AGAP1: variants seen among roughly 807,000 people sequenced by gnomAD.
The protein encoded by AGAP1 is ArfGAP with GTPase domain, ankyrin repeat and PH domain 1, also known as arf-GAP with GTPase, ANK repeat and PH domain-containing protein 1.
Under a neutral mutation model 105.3 loss-of-function variants are expected in AGAP1, and 29 were observed. The ratio of observed to expected loss-of-function variants is 0.28; its 90% CI spans 0.21 to 0.38. The LOEUF (loss-of-function observed/expected upper bound fraction) is 0.38, where lower values mean the gene tolerates loss of function less well. Ranked by LOEUF, AGAP1 falls within the 10% of genes least tolerant of loss-of-function variation. The pLI, the probability that AGAP1 is intolerant of heterozygous loss-of-function variation, is 1.00. For missense variants in AGAP1, 998 were observed against 1,165.1 expected, an observed-to-expected ratio of 0.86 and a Z score of 2.09; for synonymous variants, 509 against 485.9, an observed-to-expected ratio of 1.05 and a Z score of -0.63.
At chr2:235,920,543 G>C (rs1333584649) in intron 11 of AGAP1, among the ~76,000 whole-genome samples, 1 of 152,162 alleles carries the variant, frequency 6.6e-6, no homozygotes, top group Non-Finnish European at 1.5e-5. Context: ...GCTGGAAGAT[G>C]GGGGGTGCCG....
At position 235,642,073 on chromosome 2, in the gene AGAP1, A is replaced by G. The variant is rs1947215540; in HGVS notation, c.164-67106A>G. 6.6e-6 allele frequency among the ~76,000 whole-genome samples: 1 copy of G among 152,218 alleles called. No individual in the cohort carries two copies. The highest frequency in any genetic ancestry group is 6.5e-5 in the Admixed American group (1 of 15,288). On this transcript the variant is annotated intron_variant, in intron 1 of 17. Transcript: ENST00000304032. This position sits in a 1 kb window ranked among gnomAD's most constrained non-coding sequence, Gnocchi z 4.1. Reference sequence around the variant, plus strand: ...GCATAAAGCCTCGTAGTAGATTCTCAGGTCCCAGGGGTGCACATGCCTGTG... The same window carrying G: ...GCATAAAGCCTCGTAGTAGATTCTCGGGTCCCAGGGGTGCACATGCCTGTG...
rs544262340 is a variant in AGAP1, at chr2:235,933,735, G to T, written c.1483+2812G>T. Among the ~76,000 whole-genome samples, 8 of 152,006 alleles carry T rather than the reference G, an allele frequency of 5.3e-5. No homozygotes were observed. In the East Asian group the frequency reaches 1.2e-3, roughly 22 times the overall value. ...TTTAGTAGAGACGGGGTTTCACCATGTTGGCCGGGATGGTCTCAATCTCTT... is the reference window on the plus strand; with the variant it reads ...TTTAGTAGAGACGGGGTTTCACCATTTTGGCCGGGATGGTCTCAATCTCTT... On this transcript the variant is annotated intron_variant, in intron 12 of 17. Coordinates refer to ENST00000304032, the MANE Select transcript of AGAP1 (RefSeq NM_001037131.3).
At chr2:235,722,947 A>G (rs1338893352) in intron 3 of AGAP1, among the ~76,000 whole-genome samples, 1 of 152,210 alleles carries the variant, frequency 6.6e-6, no homozygotes, top group African/African-American at 2.4e-5. Context: ...AAAGTTTACA[A>G]ATTAGCGTTG....
intron 1 of AGAP1, among the ~76,000 whole-genome samples, chr2:235,531,668 C>T (rs775133614): frequency 3.4e-5 from 5 of 147,424 alleles, no homozygotes; most frequent in African/African-American, 7.6e-5. Flanking sequence ...AGTGCAGTGG[C>T]GCGATCTCGG....
At chr2:235,966,811 G>C (rs535474740) in intron 12 of AGAP1, among the ~76,000 whole-genome samples, 2 of 152,216 alleles carry the variant, frequency 1.3e-5, no homozygotes, top group East Asian at 3.9e-4. Context: ...TGACGCTTCC[G>C]ACTGTGCAGA....
intron 16 of AGAP1, among the ~76,000 whole-genome samples, chr2:236,110,384 C>T (rs1345854734): frequency 2.4e-5 from 3 of 127,376 alleles, no homozygotes; most frequent in South Asian, 2.5e-4. Flanking sequence ...AAAAAGACCC[C>T]CTTCTCTACA....
At position 235,788,574 on chromosome 2, in the gene AGAP1, C is replaced by T. The variant is rs1046788354; in HGVS notation, c.674-9185C>T. Among the ~76,000 whole-genome samples, 9 of 150,696 alleles carry T rather than the reference C, an allele frequency of 6.0e-5. No individual in the cohort carries two copies. The South Asian group carries it at 8.4e-4, about 14-fold the overall frequency. On this transcript the variant is annotated intron_variant, in intron 6 of 17. Transcript: ENST00000304032. This position sits in a 1 kb window ranked among gnomAD's most constrained non-coding sequence, Gnocchi z 6.0. ...AGAAGAGCGGGAGGGTAGGTGAGGC[C>T]GGGCAAGGAGAGGAGTGGGAGGGTC...
intron 16 of AGAP1, among the ~76,000 whole-genome samples, chr2:236,115,492 G>C (rs945053657): frequency 3.3e-5 from 5 of 152,194 alleles, no homozygotes; most frequent in African/African-American, 1.2e-4. Context: ...CCCTGCCTTT[G>C]GGCATTGCAG....
At chr2:235,638,179 G>A (rs1034077290) in intron 1 of AGAP1, among the ~76,000 whole-genome samples, 5 of 152,188 alleles carry the variant, frequency 3.3e-5, no homozygotes, top group African/African-American at 1.2e-4. Context: ...ACTCTAGTTG[G>A]TTCTGTCACA....
At chr2:235,536,729 C>T (rs868122950) in intron 1 of AGAP1, among the ~76,000 whole-genome samples, 1 of 151,812 alleles carries the variant, frequency 6.6e-6, no homozygotes, top group Non-Finnish European at 1.5e-5. Flanking sequence ...TCTGCGAAGA[C>T]GTCTTTGAGT....
At chr2:235,529,826 G>A (rs1290504559) in intron 1 of AGAP1, among the ~76,000 whole-genome samples, 1 of 152,182 alleles carries the variant, frequency 6.6e-6, no homozygotes. Flanking sequence ...TGAGTGGTTG[G>A]GAGGAGAGCT....
chr2:235,497,069 C>CT (rs1941350388), intron 1 of AGAP1, among the ~76,000 whole-genome samples: 1 of 152,216 alleles, frequency 6.6e-6, no homozygotes, highest in Non-Finnish European at 1.5e-5. Context: ...TTCTGTAGAA[C>CT]TTTAACAGAA....
intron 13 of AGAP1, among the ~76,000 whole-genome samples, chr2:236,021,165 CA>C (rs1226322235): frequency 0.029 from 2,176 of 76,252 alleles, 44 homozygotes; most frequent in African/African-American, 0.083. Context: ...GATTCTGTCT[CA>C]AAAAAAAAAA....
chr2:235,997,890 C>T (rs771740880), intron 13 of AGAP1, among the ~76,000 whole-genome samples: 10 of 151,980 alleles, frequency 6.6e-5, no homozygotes, highest in African/African-American at 1.4e-4. Context: ...GAGCCACAGT[C>T]GTCTTCCACG....
rs1353818811 is a variant in AGAP1, at chr2:236,109,648, G to A, written c.2115-10544G>A. 6.6e-6 allele frequency among the ~76,000 whole-genome samples: 1 copy of A among 152,192 alleles called. No homozygotes were observed. The highest frequency in any genetic ancestry group is 2.1e-4 in the South Asian group (1 of 4,830). On this transcript the variant is annotated intron_variant, in intron 16 of 17. Coordinates refer to ENST00000304032, the MANE Select transcript of AGAP1 (RefSeq NM_001037131.3). This position sits in a 1 kb window ranked among gnomAD's most constrained non-coding sequence, Gnocchi z 5.4. The stretch of plus-strand genomic sequence containing the variant: ...GTTCTAGACCGGCAGCCGTGGGAAC[G>A]TCCTAGTCGGCGGCAGCGTCGGTGC...
chr2:235,522,164 T>G (rs1042727664), intron 1 of AGAP1, among the ~76,000 whole-genome samples: 1 of 152,214 alleles, frequency 6.6e-6, no homozygotes, highest in African/African-American at 2.4e-5. Flanking sequence ...TGGCAGTTCC[T>G]TAAACGTCAG....
intron 12 of AGAP1, among the ~76,000 whole-genome samples, chr2:235,952,703 A>C (rs1459692978): frequency 6.6e-6 from 1 of 152,094 alleles, no homozygotes; most frequent in Non-Finnish European, 1.5e-5. Context: ...GTAGTTGTTG[A>C]TCATATCTGT....
At position 235,971,814 on chromosome 2, in the gene AGAP1, T is replaced by C. The variant is rs1030250843; in HGVS notation, c.1645+3191T>C. On this transcript the variant is annotated intron_variant, in intron 13 of 17. Coordinates refer to ENST00000304032, the MANE Select transcript of AGAP1 (RefSeq NM_001037131.3). This position sits in a 1 kb window ranked among gnomAD's most constrained non-coding sequence, Gnocchi z 4.8. The stretch of plus-strand genomic sequence containing the variant: ...TATTTTTTGAGACAGGTCCTCGCTC[T>C]GTCACCCAGGCTGGGGTGTAGTGGT... Among the ~76,000 whole-genome samples, 1 of 151,670 alleles carries C rather than the reference T, an allele frequency of 6.6e-6. No homozygotes were observed. Among genetic ancestry groups the C allele is most frequent in the Non-Finnish European group, 1.5e-5 (1 of 67,962 alleles).
intron 9 of AGAP1, among the ~76,000 whole-genome samples, chr2:235,840,581 T>TG (rs1960705540): frequency 1.3e-5 from 2 of 152,252 alleles, no homozygotes; most frequent in South Asian, 4.1e-4. Flanking sequence ...TGGAGGCTGT[T>TG]GGAGGGCAGG....
Sources: gnomAD v4.1 joint callset for allele counts (sites outside exome capture counted in the v4.1 genomes callset) on GRCh38, gnomAD v4.1.1 for gene constraint, Gnocchi (gnomAD v3.1) non-coding constraint, MANE v1.5 for transcripts, NCBI Gene and HGNC (gene_info 2026-07-23, HGNC 2026-07-21) for gene names.